RBM11: variants seen among roughly 807,000 people sequenced by gnomAD.
RBM11 encodes the protein splicing regulator RBM11.
A neutral mutation model predicts 21.4 loss-of-function variants in RBM11; 18 were observed. That is an observed-to-expected ratio of 0.84 (90% CI 0.58 to 1.25). The LOEUF (loss-of-function observed/expected upper bound fraction) is 1.25, where lower values mean the gene tolerates loss of function less well. Ranked by LOEUF, RBM11 falls within the 50% of genes most tolerant of loss-of-function variation. The probability of loss-of-function intolerance (pLI) is 0.00; values close to 1 mark genes in which losing one functional copy is unlikely to be tolerated. For synonymous variants in RBM11, 120 were observed against 116.3 expected (o/e 1.03, Z -0.20); for missense variants, 294 against 331.9 (o/e 0.89, Z 0.89).
intron 3 of RBM11, among the ~76,000 whole-genome samples, chr21:14,222,419 C>T (rs960939635): frequency 2.0e-5 from 3 of 152,010 alleles, no homozygotes; most frequent in African/African-American, 7.2e-5. Flanking sequence ...TTTAGCAGAG[C>T]TGAATATTCT....
intron 2 of RBM11, among the ~76,000 whole-genome samples, chr21:14,220,288 T>C (rs923887916): frequency 5.9e-5 from 9 of 152,158 alleles, no homozygotes; most frequent in African/African-American, 2.2e-4. Context: ...CCTGCACGCA[T>C]ATCAGGAACA....
rs752632905 is a variant in RBM11 at position 14,224,501 on chromosome 21, T to C, written c.396T>C (p.Thr132=). 2.0e-5 allele frequency: 31 copies of C among 1,558,102 alleles called. No individual in the cohort carries two copies. In the Admixed American group the frequency reaches 6.0e-4, roughly 30 times the overall value. Residue 132 remains threonine (T), a synonymous_variant, in exon 4 of 5, where the codon ACT becomes ACC. Transcript: ENST00000400577. ...TGCAGTATTTTCCAATTAATAATAC[T>C]TCTTTACCTCAAGAATATTTTCTCT... ...FPMQYFPINN[T]SLPQEYFLFQ...
intron 4 of RBM11, 71 bp from the exon 5 acceptor site, chr21:14,226,809 A>G: frequency 6.5e-7 from 1 of 1,538,250 alleles, no homozygotes; most frequent in Non-Finnish European, 8.7e-7. Flanking sequence ...TGTATAATAC[A>G]TGTAAACTGT....
chr21:14,227,580 T>A lies in RBM11; in HGVS notation c.*287T>A, dbSNP rs550594150. On this transcript the variant is annotated 3_prime_UTR_variant, in exon 5 of 5. Coordinates refer to ENST00000400577, the MANE Select transcript of RBM11 (RefSeq NM_144770.5). ...CCAATGATGAAATTTCACCAAACTA[T>A]TAATCAAAAGTCACTTATTGAACAC... The A allele has an allele frequency of 2.8e-6, 1 of 359,940 alleles. No individual in the cohort carries two copies. Among genetic ancestry groups the A allele is most frequent in the East Asian group, 5.4e-5 (1 of 18,538 alleles). 22.3% of individuals were successfully genotyped at this position (359,940 alleles called of 1,614,324 possible).
intron 3 of RBM11, among the ~76,000 whole-genome samples, chr21:14,222,729 A>G (rs1419736213): frequency 6.6e-6 from 1 of 152,240 alleles, no homozygotes; most frequent in Non-Finnish European, 1.5e-5. Context: ...TTAATAAAGT[A>G]GCAGAGGCAA....
At chr21:14,222,900 T>TA (rs1428275510) in intron 3 of RBM11, among the ~76,000 whole-genome samples, 3 of 152,150 alleles carry the variant, frequency 2.0e-5, no homozygotes, top group East Asian at 3.9e-4. Flanking sequence ...AATGTTAGCA[T>TA]AAAGGGGGGG....
In RBM11 at chr21:14,226,822, A is replaced by T; in HGVS notation, c.433-58A>T. On this transcript the variant is annotated intron_variant, in intron 4 of 4. Coordinates refer to ENST00000400577, the MANE Select transcript of RBM11 (RefSeq NM_144770.5). ...ATTGTATAATACATGTAAACTGTTAATTTTTTTTCCTTAACCTTTTGGATT... is the reference window on the plus strand; with the variant it reads ...ATTGTATAATACATGTAAACTGTTATTTTTTTTTCCTTAACCTTTTGGATT... The T allele has an allele frequency of 1.9e-6, 3 of 1,545,026 alleles. No individual in the cohort carries two copies. In the South Asian group the frequency reaches 3.9e-5, roughly 20 times the overall value.
intron 2 of RBM11, among the ~76,000 whole-genome samples, 189 bp from the exon 3 acceptor site, chr21:14,220,908 T>C (rs1978610187): frequency 6.6e-6 from 1 of 152,162 alleles, no homozygotes; most frequent in Non-Finnish European, 1.5e-5. Flanking sequence ...AATTCATTGA[T>C]ATATATATAG....
intron 2 of RBM11, among the ~76,000 whole-genome samples, chr21:14,220,116 T>C (rs1978535232): frequency 6.6e-6 from 1 of 152,194 alleles, no homozygotes; most frequent in Non-Finnish European, 1.5e-5. Flanking sequence ...CTGTACTATT[T>C]GGAAGATAGA....
intron 3 of RBM11, 42 bp downstream of exon 3, chr21:14,221,211 AT>A: frequency 3.3e-6 from 5 of 1,505,588 alleles, no homozygotes; most frequent in Non-Finnish European, 4.4e-6. Flanking sequence ...AAGCAAATAT[AT>A]TTTTATGCCA....
At chr21:14,216,627 C>T (rs1377089483) in intron 1 of RBM11, among the ~76,000 whole-genome samples, 1 of 152,176 alleles carries the variant, frequency 6.6e-6, no homozygotes, top group Non-Finnish European at 1.5e-5. Context: ...GTAGTAAGCA[C>T]GCCTGACATC....
chr21:14,225,846 G>A (rs1316332217), intron 4 of RBM11, among the ~76,000 whole-genome samples: 1 of 151,986 alleles, frequency 6.6e-6, no homozygotes, highest in Admixed American at 6.6e-5. Context: ...TGAGTTAAGA[G>A]CTTGTTTGTT....
Position 14,219,733 on chromosome 21 carries a change from C to T in RBM11, c.259+8C>T. 6.4e-7 allele frequency: 1 copy of T among 1,556,678 alleles called. No individual in the cohort carries two copies. The highest frequency in any genetic ancestry group is 8.7e-7 in the Non-Finnish European group (1 of 1,143,452). On this transcript the variant is annotated splice_region_variant and intron_variant, in intron 2 of 4. Coordinates refer to ENST00000400577, the MANE Select transcript of RBM11 (RefSeq NM_144770.5). ...ACGTGCAGTATCGATTTGGTAGGTC[C>T]TGTCACTGATTAATCTTCAAAGTGT...
At chr21:14,225,438 T>A (rs909147027) in intron 4 of RBM11, among the ~76,000 whole-genome samples, 1 of 152,188 alleles carries the variant, frequency 6.6e-6, no homozygotes, top group Non-Finnish European at 1.5e-5. Context: ...CATTTTTTTT[T>A]AATTCCTCAT....
At position 14,219,701 on chromosome 21, in the gene RBM11, C is replaced by G; in HGVS notation, c.235C>G (p.Pro79Ala). The G allele has an allele frequency of 6.2e-7, 1 of 1,601,962 alleles. No individual in the cohort carries two copies. Among genetic ancestry groups the G allele is most frequent in the Non-Finnish European group, 8.5e-7 (1 of 1,172,052 alleles). ...GAATGGAATTCGTTTATATGGAAGA[C>G]CAATTAACGTGCAGTATCGATTTGG... Reference protein sequence around the residue: ...LLNGIRLYGRPINVQYRFGSS... With the variant: ...LLNGIRLYGRAINVQYRFGSS... Residue 79 changes from proline to alanine, a missense_variant, in exon 2 of 5, where the codon CCA (proline) becomes GCA (alanine). Coordinates refer to ENST00000400577, the MANE Select transcript of RBM11 (RefSeq NM_144770.5).
chr21:14,226,756 G>A, intron 4 of RBM11, 124 bp from the exon 5 acceptor site: 1 of 1,340,664 alleles, frequency 7.5e-7, no homozygotes, highest in Non-Finnish European at 1.0e-6. Flanking sequence ...AGAGGTCACT[G>A]TCTTTCTTAT....
chr21:14,219,484 G>C lies in RBM11; in HGVS notation c.97-79G>C, dbSNP rs1978471740. 9.1e-6 allele frequency: 10 copies of C among 1,102,024 alleles called. No homozygotes were observed. The South Asian group carries it at 2.1e-4, about 23-fold the overall frequency. The allele number at this position is 1,102,024 out of a possible 1,614,324, so 68.3% of individuals were successfully genotyped here. ...AAGATATTGCTAACACATTTCTTTAGTCTAAAGTTGAATTTACTTATTTGA... is the reference window on the plus strand; with the variant it reads ...AAGATATTGCTAACACATTTCTTTACTCTAAAGTTGAATTTACTTATTTGA... On this transcript the variant is annotated intron_variant, in intron 1 of 4. Coordinates refer to ENST00000400577, the MANE Select transcript of RBM11 (RefSeq NM_144770.5).
At chr21:14,221,697 T>TC (rs1410684646) in intron 3 of RBM11, among the ~76,000 whole-genome samples, 11 of 152,290 alleles carry the variant, frequency 7.2e-5, no homozygotes, top group Non-Finnish European at 1.6e-4. Flanking sequence ...CCACATACAC[T>TC]CTCTGGCAGG....
intron 1 of RBM11, among the ~76,000 whole-genome samples, chr21:14,217,024 G>A (rs2020461857): frequency 6.6e-6 from 1 of 152,134 alleles, no homozygotes; most frequent in Non-Finnish European, 1.5e-5. Flanking sequence ...AAATTGACGA[G>A]ACATCCTTTT....
Sources: gnomAD v4.1 joint callset for allele counts (sites outside exome capture counted in the v4.1 genomes callset) on GRCh38, gnomAD v4.1.1 for gene constraint, MANE v1.5 for transcripts, NCBI Gene and HGNC (gene_info 2026-07-23, HGNC 2026-07-21) for gene names.